Variants in HYCC2 observed in about 807,000 individuals in gnomAD.
HYCC2 encodes the protein hyccin PI4KA lipid kinase complex subunit 2.
the HYCC2 span, among the ~76,000 whole-genome samples, chr2:201,037,501 G>T: frequency 6.6e-6 from 1 of 152,122 alleles, no homozygotes. Flanking sequence ...ATACTACAAG[G>T]CTACAGTAAC....
At chr2:201,003,880 C>T in the HYCC2 span, among the ~76,000 whole-genome samples, 2 of 137,120 alleles carry the variant, frequency 1.5e-5, no homozygotes, top group Admixed American at 7.8e-5. Context: ...GGCACAATCT[C>T]GGCTCACTGC....
the HYCC2 span, among the ~76,000 whole-genome samples, chr2:201,035,963 G>A: frequency 6.6e-6 from 1 of 152,256 alleles, no homozygotes; most frequent in Admixed American, 6.5e-5. Context: ...TCCTCTGGAA[G>A]TTTTGTCTCA....
chr2:201,050,253 C>A, the HYCC2 span, among the ~76,000 whole-genome samples: 2 of 149,376 alleles, frequency 1.3e-5, no homozygotes, highest in Non-Finnish European at 3.0e-5. Context: ...ACAAAAAAAA[C>A]CATGTCAGTA....
At chr2:200,978,631 A>T in the HYCC2 span, 7 of 151,440 alleles carry the variant, frequency 4.6e-5, no homozygotes, top group Admixed American at 1.3e-4. Flanking sequence ...GCCTGCCACC[A>T]CGCCCAGCTA....
the HYCC2 span, among the ~76,000 whole-genome samples, chr2:201,033,939 A>C: frequency 6.6e-6 from 1 of 152,070 alleles, no homozygotes; most frequent in Non-Finnish European, 1.5e-5. Flanking sequence ...TATTTTGGAA[A>C]AGTCCCTCAA....
chr2:200,990,569 A>G, the HYCC2 span, among the ~76,000 whole-genome samples: 2 of 147,856 alleles, frequency 1.4e-5, no homozygotes, highest in Non-Finnish European at 3.0e-5. Flanking sequence ...ATCCCGCTAA[A>G]TTTTTTTTTC....
chr2:201,033,256 A>G, the HYCC2 span, among the ~76,000 whole-genome samples: 4 of 151,274 alleles, frequency 2.6e-5, no homozygotes, highest in Non-Finnish European at 5.9e-5. Context: ...GAATGCAGTG[A>G]CACAATCAGG....
chr2:201,033,976 TAAA>T, the HYCC2 span, among the ~76,000 whole-genome samples: 2 of 142,012 alleles, frequency 1.4e-5, no homozygotes, highest in Admixed American at 7.1e-5. Flanking sequence ...TCCTCTAGTT[TAAA>T]AAAAAAAAAA....
At chr2:201,035,836 T>G in the HYCC2 span, among the ~76,000 whole-genome samples, 2 of 152,208 alleles carry the variant, frequency 1.3e-5, no homozygotes, top group African/African-American at 2.4e-5. Flanking sequence ...GACCCTCAGC[T>G]GCAGGTCTGT....
the HYCC2 span, among the ~76,000 whole-genome samples, chr2:201,032,360 T>C: frequency 2.0e-5 from 3 of 152,208 alleles, no homozygotes; most frequent in Admixed American, 2.0e-4. Context: ...ATTGCCTGCC[T>C]TATTCTTGAA....
the HYCC2 span, among the ~76,000 whole-genome samples, chr2:201,006,040 G>C: frequency 6.6e-6 from 1 of 151,444 alleles, no homozygotes; most frequent in Non-Finnish European, 1.5e-5. Context: ...CACCATGTTG[G>C]CCAGGCTAGT....
the HYCC2 span, among the ~76,000 whole-genome samples, chr2:201,068,660 T>C: frequency 2.6e-5 from 4 of 152,318 alleles, 1 homozygote; most frequent in Non-Finnish European, 5.9e-5. Flanking sequence ...AATTCTTAAA[T>C]TAGGTCCAAA....
the HYCC2 span, among the ~76,000 whole-genome samples, chr2:201,048,054 C>A: frequency 1.3e-5 from 2 of 151,794 alleles, no homozygotes; most frequent in Non-Finnish European, 2.9e-5. Context: ...ATATATATAT[C>A]GGGGTAAACA....
the HYCC2 span, among the ~76,000 whole-genome samples, chr2:201,066,100 C>G: frequency 6.7e-6 from 1 of 150,372 alleles, no homozygotes. Context: ...TCTTTGGAGA[C>G]AGAGTCTCAC....
chr2:201,038,592 A>G, the HYCC2 span, among the ~76,000 whole-genome samples: 1 of 152,204 alleles, frequency 6.6e-6, no homozygotes, highest in Non-Finnish European at 1.5e-5. Flanking sequence ...TGTCCTTTGT[A>G]GGGACATGGA....
At chr2:201,016,187 TTACA>T in the HYCC2 span, among the ~76,000 whole-genome samples, 1 of 150,968 alleles carries the variant, frequency 6.6e-6, no homozygotes, top group African/African-American at 2.5e-5. Context: ...TATAGTAGTT[TTACA>T]TACTTTATAA....
chr2:201,065,841 C>T, the HYCC2 span, among the ~76,000 whole-genome samples: 1 of 152,066 alleles, frequency 6.6e-6, no homozygotes, highest in Non-Finnish European at 1.5e-5. Flanking sequence ...AAAGGGAAAG[C>T]TCTGGATTAG....
chr2:200,984,565 A>T, the HYCC2 span, among the ~76,000 whole-genome samples: 2 of 152,238 alleles, frequency 1.3e-5, no homozygotes, highest in Non-Finnish European at 2.9e-5. Context: ...GACTTTTCAT[A>T]GGTTTTAGTA....
chr2:200,979,114 C>CT, the HYCC2 span: 1 of 151,900 alleles, frequency 6.6e-6, no homozygotes, highest in South Asian at 2.1e-4. Context: ...ATACCTGAAA[C>CT]TGCCTGTTTT....
Sources: gnomAD v4.1 joint callset for allele counts (sites outside exome capture counted in the v4.1 genomes callset) on GRCh38, gnomAD v4.1.1 for gene constraint, MANE v1.5 for transcripts, NCBI Gene and HGNC (gene_info 2026-07-23, HGNC 2026-07-21) for gene names.